Variants in MED12L observed in about 807,000 individuals in gnomAD.
MED12L encodes mediator complex subunit 12L.
A neutral mutation model predicts 281.3 loss-of-function variants in MED12L; 60 were observed. That is an observed-to-expected ratio of 0.21 (90% CI 0.17 to 0.26). MED12L has a LOEUF of 0.26. Ranked by LOEUF, MED12L falls within the 10% of genes least tolerant of loss-of-function variation. The pLI, the probability that MED12L is intolerant of heterozygous loss-of-function variation, is 1.00. For missense variants in MED12L, 2,146 were observed against 2,680.9 expected, an observed-to-expected ratio of 0.80 and a Z score of 4.41; for synonymous variants, 974 against 987.2, an observed-to-expected ratio of 0.99 and a Z score of 0.25.
chr3:151,355,871 A>G (rs757897840), intron 18 of MED12L, 25 bp from the exon 19 acceptor site: 1 of 1,589,412 alleles, frequency 6.3e-7, no homozygotes, highest in African/African-American at 1.4e-5. Flanking sequence ...TTGGTCTTAC[A>G]ATATTTTTGT....
chr3:151,232,187 C>A (rs1731820063), intron 16 of MED12L, among the ~76,000 whole-genome samples: 1 of 152,150 alleles, frequency 6.6e-6, no homozygotes, highest in East Asian at 1.9e-4. Flanking sequence ...TGGCCATTTT[C>A]TTTTCTCTTT....
In MED12L at chr3:151,185,433, A is replaced by G; in HGVS notation, c.1598A>G (p.Glu533Gly). 1 of 1,613,950 alleles carries G rather than the reference A, an allele frequency of 6.2e-7. No homozygotes were observed. The highest frequency in any genetic ancestry group is 8.5e-7 in the Non-Finnish European group (1 of 1,179,962). The change falls in exon 12 of 45, where the codon GAG (glutamate) becomes GGG (glycine). Residue 533 changes from glutamate (E) to glycine (G), a missense_variant. Coordinates refer to ENST00000687756, the MANE Select transcript of MED12L (RefSeq NM_001393769.1). ...GCCATGGCTGTGGCAAAACTCCTGG[A>G]GAAGAGGCAAGCAGAAATTGAGGCA... Reference protein sequence around the residue: ...HRAMAVAKLLEKRQAEIEAER... With the variant: ...HRAMAVAKLLGKRQAEIEAER...
chr3:151,088,214 A>G (rs1719538628), intron 2 of MED12L, among the ~76,000 whole-genome samples: 2 of 152,232 alleles, frequency 1.3e-5, no homozygotes, highest in Admixed American at 6.5e-5. Flanking sequence ...GAGGTTTAGC[A>G]CACTAAATAT....
chr3:151,208,716 A>G (rs1726724997), intron 16 of MED12L, among the ~76,000 whole-genome samples: 1 of 152,076 alleles, frequency 6.6e-6, no homozygotes, highest in Non-Finnish European at 1.5e-5. Flanking sequence ...TTTAAGTAAT[A>G]TGTAATATTG....
At chr3:151,251,473 T>C (rs537661595) in intron 16 of MED12L, among the ~76,000 whole-genome samples, 1 of 152,202 alleles carries the variant, frequency 6.6e-6, no homozygotes, top group East Asian at 1.9e-4. Flanking sequence ...TCAATCTGCC[T>C]CCCACCCACA....
intron 16 of MED12L, among the ~76,000 whole-genome samples, chr3:151,249,684 A>G (rs77876837): frequency 3.6e-4 from 55 of 152,248 alleles, no homozygotes; most frequent in East Asian, 1.4e-3. Flanking sequence ...TGGGTCTCCA[A>G]TCATTCTTCG....
In MED12L at chr3:151,364,966, C is replaced by A. The variant is rs1473296828; in HGVS notation, c.2958-13C>A. 1 of 1,586,168 alleles carries A rather than the reference C, an allele frequency of 6.3e-7. No individual in the cohort carries two copies. The highest frequency in any genetic ancestry group is 8.6e-7 in the Non-Finnish European group (1 of 1,156,972). On this transcript the variant is annotated splice_polypyrimidine_tract_variant and intron_variant, in intron 21 of 44. Coordinates refer to ENST00000687756, the MANE Select transcript of MED12L (RefSeq NM_001393769.1). ...TTATTTTTCTGTTTTAACTTTTTTT[C>A]TTATAACCTCAGTAGTGCCTGTTCA...
In MED12L at chr3:151,190,805, T is replaced by C; in HGVS notation, c.1842T>C (p.His614=). ...CEFIRHDVFS[H]DAYMCTLISR... The stretch of plus-strand genomic sequence containing the variant: ...TCATCCGCCATGATGTCTTCTCCCA[T>C]GACGCATACATGTGTACCCTCATAT... Residue 614 remains histidine (H), a synonymous_variant, in exon 14 of 45, where the codon CAT becomes CAC. Coordinates refer to ENST00000687756, the MANE Select transcript of MED12L (RefSeq NM_001393769.1). The C allele has an allele frequency of 4.3e-6, 7 of 1,614,206 alleles. No individual in the cohort carries two copies. Among genetic ancestry groups the C allele is most frequent in the African/African-American group, 2.7e-5 (2 of 75,052 alleles).
In MED12L at chr3:151,127,876, T is replaced by G. The variant is rs1219208309; in HGVS notation, c.448T>G (p.Ser150Ala). The G allele has an allele frequency of 6.2e-7, 1 of 1,613,398 alleles. No individual in the cohort carries two copies. The highest frequency in any genetic ancestry group is 1.3e-5 in the African/African-American group (1 of 74,916). ...EDVFAYLAKY[S>A]VPMVRATWLI... Reference sequence around the variant, plus strand: ...TGTTTTTGCATATTTAGCTAAATATTCTGTGCCAATGGTTCGAGCAACGTG... The same window carrying G: ...TGTTTTTGCATATTTAGCTAAATATGCTGTGCCAATGGTTCGAGCAACGTG... Residue 150 changes from serine (S) to alanine (A), a missense_variant, in exon 5 of 45, where the codon TCT becomes GCT. Physicochemically the swap from Ser to Ala is moderately conservative, Grantham distance 99. Transcript: ENST00000687756.
chr3:151,246,044 C>G (rs1393774521), intron 16 of MED12L, among the ~76,000 whole-genome samples: 21 of 151,250 alleles, frequency 1.4e-4, no homozygotes, highest in Admixed American at 1.1e-3. Context: ...AATAAAATAC[C>G]TAGGAATCCA....
Position 151,413,065 on chromosome 3 carries a change from C to G in MED12L, c.6141-74C>G, listed in dbSNP as rs1227325534. Reference sequence around the variant, plus strand: ...TGATTGTTTCTTGGTTGGTGTATGTCATGTGCTGGTAGCACTGATTAAAAG... The same window carrying G: ...TGATTGTTTCTTGGTTGGTGTATGTGATGTGCTGGTAGCACTGATTAAAAG... On this transcript the variant is annotated intron_variant, in intron 41 of 44. Coordinates refer to ENST00000687756, the MANE Select transcript of MED12L (RefSeq NM_001393769.1). 3.3e-6 allele frequency: 5 copies of G among 1,512,908 alleles called. No homozygotes were observed. In the African/African-American group the frequency reaches 6.9e-5, roughly 21 times the overall value. The allele number at this position is 1,512,908 out of a possible 1,614,324, so 93.7% of individuals were successfully genotyped here.
intron 16 of MED12L, among the ~76,000 whole-genome samples, chr3:151,286,216 G>T (rs1373732966): frequency 2.0e-5 from 3 of 152,142 alleles, no homozygotes; most frequent in Non-Finnish European, 4.4e-5. Context: ...CCTGCAGGGA[G>T]ACCAGTGCCT....
chr3:151,137,173 A>G (rs1428986906), intron 5 of MED12L, among the ~76,000 whole-genome samples: 46 of 60,388 alleles, frequency 7.6e-4, no homozygotes, highest in African/African-American at 3.0e-3. Flanking sequence ...AAAAAAAAAG[A>G]AAAAAAAAAA....
At chr3:151,291,773 T>C (rs1174997545) in intron 16 of MED12L, among the ~76,000 whole-genome samples, 1 of 152,200 alleles carries the variant, frequency 6.6e-6, no homozygotes, top group Non-Finnish European at 1.5e-5. Context: ...TCATTTTTCA[T>C]TGGCCTGGAT....
At chr3:151,272,554 A>G (rs1741137670) in intron 16 of MED12L, among the ~76,000 whole-genome samples, 1 of 152,214 alleles carries the variant, frequency 6.6e-6, no homozygotes, top group African/African-American at 2.4e-5. Flanking sequence ...CCTAGATTAT[A>G]TCCTGTTTTT....
chr3:151,147,098 A>C (rs1385814173), intron 5 of MED12L, among the ~76,000 whole-genome samples: 3 of 152,198 alleles, frequency 2.0e-5, no homozygotes, highest in Admixed American at 1.3e-4. Context: ...TGGGACATCA[A>C]ACATGTACAA....
intron 16 of MED12L, among the ~76,000 whole-genome samples, chr3:151,289,506 A>T (rs1192563176): frequency 6.6e-6 from 1 of 152,198 alleles, no homozygotes; most frequent in Non-Finnish European, 1.5e-5. Context: ...TAATTGACAG[A>T]TGGCTTTCTG....
chr3:151,132,291 C>T (rs1328428363), intron 5 of MED12L, among the ~76,000 whole-genome samples: 6 of 152,124 alleles, frequency 3.9e-5, no homozygotes, highest in Non-Finnish European at 2.9e-5. Flanking sequence ...CTTAGCTTCT[C>T]CAGACATCAG....
At chr3:151,188,892 A>G (rs1281942142) in intron 13 of MED12L, among the ~76,000 whole-genome samples, 1 of 152,202 alleles carries the variant, frequency 6.6e-6, no homozygotes, top group African/African-American at 2.4e-5. Context: ...GAAGTAATTT[A>G]TAGATGCCTA....
Sources: gnomAD v4.1 joint callset for allele counts (sites outside exome capture counted in the v4.1 genomes callset) on GRCh38, gnomAD v4.1.1 for gene constraint, MANE v1.5 for transcripts, NCBI Gene and HGNC (gene_info 2026-07-23, HGNC 2026-07-21) for gene names.